The following ADAD1 variants were observed in gnomAD, a reference collection of about 807,000 sequenced individuals.
The protein encoded by ADAD1 is adenosine deaminase domain-containing protein 1.
A neutral mutation model predicts 66.8 loss-of-function variants in ADAD1; 46 were observed. That is an observed-to-expected ratio of 0.69 (90% CI 0.54 to 0.88). The LOEUF (loss-of-function observed/expected upper bound fraction) is 0.88. Among genes scored for constraint, ADAD1 ranks in the 40% least tolerant of loss-of-function variants. The pLI is 0.00. For synonymous variants in ADAD1, 248 were observed against 229.4 expected, an observed-to-expected ratio of 1.08 and a Z score of -0.73; for missense variants, 617 against 681.8, an observed-to-expected ratio of 0.91 and a Z score of 1.06.
intron 7 of ADAD1, among the ~76,000 whole-genome samples, chr4:122,404,373 C>T (rs1043968185): frequency 8.5e-5 from 13 of 152,150 alleles, no homozygotes; most frequent in Admixed American, 5.9e-4. Context: ...GGGCTCTTCC[C>T]GCTGTTGGTC....
At chr4:122,390,128 G>T (rs1445740976) in intron 5 of ADAD1, among the ~76,000 whole-genome samples, 1 of 152,110 alleles carries the variant, frequency 6.6e-6, no homozygotes, top group Non-Finnish European at 1.5e-5. Flanking sequence ...GCTTAGTTTG[G>T]CTGGATGTGA....
chr4:122,387,071 A>G (rs1268997991), intron 5 of ADAD1, among the ~76,000 whole-genome samples: 1 of 152,222 alleles, frequency 6.6e-6, no homozygotes, highest in Non-Finnish European at 1.5e-5. Context: ...AATTCTGTGA[A>G]GAATGTCAAT....
At position 122,412,175 on chromosome 4, in the gene ADAD1, A is replaced by G. The variant is rs986915252; in HGVS notation, c.1020-405A>G. Among the ~76,000 whole-genome samples, 3 of 152,180 alleles carry G rather than the reference A, an allele frequency of 2.0e-5. No individual in the cohort carries two copies. The East Asian group carries it at 5.8e-4, about 29-fold the overall frequency. On this transcript the variant is annotated intron_variant, in intron 9 of 12. Coordinates refer to ENST00000296513, the MANE Select transcript of ADAD1 (RefSeq NM_139243.4). ...TCTCTAGAAAGAACCTTAAAGAAAAATAATTTTGCATTTTTATTGAAGATG... is the reference window on the plus strand; with the variant it reads ...TCTCTAGAAAGAACCTTAAAGAAAAGTAATTTTGCATTTTTATTGAAGATG...
At position 122,412,605 on chromosome 4, in the gene ADAD1, G is replaced by T; in HGVS notation, c.1045G>T (p.Ala349Ser). Residue 349 changes from alanine (A) to serine (S), a missense_variant, in exon 10 of 13, where the codon GCA becomes TCA. Coordinates refer to ENST00000296513, the MANE Select transcript of ADAD1 (RefSeq NM_139243.4). ...ACGTCTTAATCCACATTCTATATCTGCATTTGAAGCCAATGAAGAACTCTG... is the reference window on the plus strand; with the variant it reads ...ACGTCTTAATCCACATTCTATATCTTCATTTGAAGCCAATGAAGAACTCTG... ...QLRLNPHSIS[A>S]FEANEELCLH... 6.2e-7 allele frequency: 1 copy of T among 1,613,538 alleles called. No homozygotes were observed. Among genetic ancestry groups the T allele is most frequent in the African/African-American group, 1.3e-5 (1 of 74,900 alleles).
intron 7 of ADAD1, among the ~76,000 whole-genome samples, chr4:122,401,278 A>ATTAT (rs61087937): frequency 0.092 from 13,952 of 151,836 alleles, 739 homozygotes; most frequent in African/African-American, 0.14. Context: ...TCAAGAGCAG[A>ATTAT]TTAATGTCCA....
Position 122,407,992 on chromosome 4 carries a change from A to C in ADAD1, c.809A>C (p.Asp270Ala), listed in dbSNP as rs762546046. 2 of 1,613,550 alleles carry C rather than the reference A, an allele frequency of 1.2e-6. No homozygotes were observed. The highest frequency in any genetic ancestry group is 1.7e-6 in the Non-Finnish European group (2 of 1,179,740). Reference sequence around the variant, plus strand: ...AAGCCAGATGGAAGAGTATTGCATGACACTCATGCTGTTGTTACAGCAAGA... The same window carrying C: ...AAGCCAGATGGAAGAGTATTGCATGCCACTCATGCTGTTGTTACAGCAAGA... ...DIKPDGRVLH[D>A]THAVVTARRS... Residue 270 changes from aspartate (D) to alanine (A), a missense_variant, in exon 8 of 13, where the codon GAC becomes GCC. Coordinates refer to ENST00000296513, the MANE Select transcript of ADAD1 (RefSeq NM_139243.4).
At chr4:122,379,938 CTA>C (rs1036551530) in intron 2 of ADAD1, 122 bp from the exon 3 acceptor site, 8 of 922,180 alleles carry the variant, frequency 8.7e-6, no homozygotes, top group Non-Finnish European at 1.3e-5. Flanking sequence ...GGATTTGACT[CTA>C]GTCATCTGAA....
chr4:122,399,922 A>G (rs75890735), intron 7 of ADAD1, among the ~76,000 whole-genome samples: 2,654 of 152,080 alleles, frequency 0.017, 80 homozygotes, highest in African/African-American at 0.061. Context: ...AGGGTGTTCT[A>G]GATATGCGAT....
intron 7 of ADAD1, among the ~76,000 whole-genome samples, chr4:122,406,943 TA>T (rs1216305917): frequency 6.6e-6 from 1 of 152,144 alleles, no homozygotes; most frequent in Non-Finnish European, 1.5e-5. Context: ...GGGGTTGGTT[TA>T]ATCTTTTTTC....
intron 7 of ADAD1, 79 bp downstream of exon 7, chr4:122,396,456 A>G (rs1233461134): frequency 1.6e-6 from 2 of 1,233,458 alleles, no homozygotes; most frequent in Non-Finnish European, 2.2e-6. Context: ...TTGCCCCTGT[A>G]CACAATGGTG....
At chr4:122,417,782 G>A (rs1580800932) in intron 11 of ADAD1, among the ~76,000 whole-genome samples, 1 of 152,172 alleles carries the variant, frequency 6.6e-6, no homozygotes, top group East Asian at 1.9e-4. Flanking sequence ...AAATTCCAAA[G>A]GAAAAGTAGA....
At chr4:122,382,951 G>GTTTATATATATATATATATAT (rs1452483602) in intron 4 of ADAD1, among the ~76,000 whole-genome samples, 2 of 152,134 alleles carry the variant, frequency 1.3e-5, no homozygotes, top group Non-Finnish European at 2.9e-5. Flanking sequence ...AGTATGTGAG[G>GTTTATATATATATATATATAT]AAATAAGAGT....
intron 9 of ADAD1, among the ~76,000 whole-genome samples, chr4:122,411,840 T>A (rs1456919563): frequency 6.6e-6 from 1 of 152,182 alleles, no homozygotes; most frequent in Non-Finnish European, 1.5e-5. Flanking sequence ...ACTTCACCAC[T>A]TTTTTTGCTA....
intron 7 of ADAD1, among the ~76,000 whole-genome samples, chr4:122,401,826 T>G (rs1420504309): frequency 1.3e-5 from 2 of 152,160 alleles, no homozygotes; most frequent in Non-Finnish European, 2.9e-5. Flanking sequence ...CTGCTTGCTT[T>G]TGGTTTCCAT....
intron 6 of ADAD1, among the ~76,000 whole-genome samples, chr4:122,395,531 A>G (rs1479668553): frequency 6.6e-6 from 1 of 151,956 alleles, no homozygotes; most frequent in East Asian, 2.0e-4. Flanking sequence ...AAATACAAAA[A>G]TTAGCCGGGC....
At chr4:122,415,993 C>T (rs1796716513) in intron 11 of ADAD1, among the ~76,000 whole-genome samples, 1 of 152,118 alleles carries the variant, frequency 6.6e-6, no homozygotes, top group Non-Finnish European at 1.5e-5. Flanking sequence ...CTGAATCTGA[C>T]TTTGGATCTG....
intron 6 of ADAD1, among the ~76,000 whole-genome samples, chr4:122,394,483 C>T (rs1283770948): frequency 6.6e-6 from 1 of 152,170 alleles, no homozygotes; most frequent in Non-Finnish European, 1.5e-5. Flanking sequence ...AGTTCCATGC[C>T]TATTCAGCAT....
In ADAD1 at chr4:122,380,130, A is replaced by C; in HGVS notation, c.61A>C (p.Lys21Gln). 6.2e-7 allele frequency: 1 copy of C among 1,614,130 alleles called. No individual in the cohort carries two copies. Among genetic ancestry groups the C allele is most frequent in the Non-Finnish European group, 8.5e-7 (1 of 1,180,014 alleles). ...GGTCCCCAGCTTTGCCCAGATGCTGAAAAAGAACCTGCCAGTTCAACCAGC... is the reference window on the plus strand; with the variant it reads ...GGTCCCCAGCTTTGCCCAGATGCTGCAAAAGAACCTGCCAGTTCAACCAGC... Reference protein sequence around the residue: ...SQVPSFAQMLKKNLPVQPATK... With the variant: ...SQVPSFAQMLQKNLPVQPATK... Residue 21 changes from lysine (K) to glutamine (Q), a missense_variant, in exon 3 of 13, where the codon AAA (lysine) becomes CAA (glutamine). Lys to Gln is a moderately conservative substitution (Grantham distance 53). Coordinates refer to ENST00000296513, the MANE Select transcript of ADAD1 (RefSeq NM_139243.4).
At chr4:122,409,928 C>T (rs1023723156) in intron 8 of ADAD1, among the ~76,000 whole-genome samples, 1 of 152,152 alleles carries the variant, frequency 6.6e-6, no homozygotes, top group Admixed American at 6.5e-5. Context: ...GATCTGCCCC[C>T]CTCGGCCTCC....
Sources: gnomAD v4.1 joint callset for allele counts (sites outside exome capture counted in the v4.1 genomes callset) on GRCh38, gnomAD v4.1.1 for gene constraint, MANE v1.5 for transcripts, NCBI Gene and HGNC (gene_info 2026-07-23, HGNC 2026-07-21) for gene names.